Variants in GRM7 observed in about 807,000 individuals in gnomAD.
The protein encoded by GRM7 is glutamate metabotropic receptor 7, also known as metabotropic glutamate receptor 7.
A neutral mutation model predicts 84.5 loss-of-function variants in GRM7; 35 were observed. That is an observed-to-expected ratio of 0.41 (90% CI 0.32 to 0.55). The LOEUF is 0.55. GRM7 is among the 20% of genes least tolerant of loss of function. The pLI is 0.19. For missense variants in GRM7, 1,003 were observed against 1,194.6 expected (o/e 0.84, Z 2.36); for synonymous variants, 487 against 455.1 (o/e 1.07, Z -0.89).
At chr3:7,690,805 T>C (rs1700772296) in intron 9 of GRM7, among the ~76,000 whole-genome samples, 1 of 152,230 alleles carries the variant, frequency 6.6e-6, no homozygotes, top group Non-Finnish European at 1.5e-5. Flanking sequence ...TTGGTGGTTT[T>C]CTGACTGTTG....
chr3:7,433,526 C>T (rs571223989), intron 5 of GRM7, among the ~76,000 whole-genome samples: 1 of 152,220 alleles, frequency 6.6e-6, no homozygotes, highest in East Asian at 1.9e-4. Context: ...TGAGACAGAC[C>T]AGTGAATCCT....
At chr3:7,294,732 C>T (rs1482062279) in intron 2 of GRM7, among the ~76,000 whole-genome samples, 1 of 152,144 alleles carries the variant, frequency 6.6e-6, no homozygotes, top group East Asian at 1.9e-4. Flanking sequence ...GCAGCATCAG[C>T]ATCACCTGGG....
intron 1 of GRM7, among the ~76,000 whole-genome samples, chr3:7,102,530 T>G (rs2125023493): frequency 6.6e-6 from 1 of 151,818 alleles, no homozygotes; most frequent in South Asian, 2.1e-4. Context: ...CTAAGTGTGG[T>G]TTTCTTCGTA....
intron 8 of GRM7, among the ~76,000 whole-genome samples, chr3:7,626,191 T>A (rs1242045668): frequency 6.6e-6 from 1 of 152,058 alleles, no homozygotes; most frequent in Non-Finnish European, 1.5e-5. Flanking sequence ...TGAGCCCTCG[T>A]CCCTCCCCTC....
At chr3:7,481,914 G>T (rs1020767354) in intron 7 of GRM7, among the ~76,000 whole-genome samples, 1 of 152,196 alleles carries the variant, frequency 6.6e-6, no homozygotes, top group Non-Finnish European at 1.5e-5. Flanking sequence ...TCAGCCGGGT[G>T]CAGTGACTCA....
At position 7,415,146 on chromosome 3, in the gene GRM7, C is replaced by G. The variant is rs754368541; in HGVS notation, c.1157C>G (p.Thr386Arg). ...LTISGSKKED[T>R]DRKCTGQERI... ...ATTAGTGGGTCAAAAAAAGAAGACACAGATCGCAAATGCACAGGTAATTTA... is the reference window on the plus strand; with the variant it reads ...ATTAGTGGGTCAAAAAAAGAAGACAGAGATCGCAAATGCACAGGTAATTTA... Residue 386 changes from threonine (T) to arginine (R), a missense_variant, in exon 5 of 10, where the codon ACA (threonine) becomes AGA (arginine). Thr to Arg is a moderately conservative substitution (Grantham distance 71). Around this residue, in one of 2 missense-constraint regions of GRM7, gnomAD observed 910 missense variants for 1,126.0 expected, o/e 0.81. Coordinates refer to ENST00000357716, the MANE Select transcript of GRM7 (RefSeq NM_000844.4). The G allele has an allele frequency of 8.1e-6, 13 of 1,612,992 alleles. No homozygotes were observed. Among genetic ancestry groups the G allele is most frequent in the Non-Finnish European group, 1.1e-5 (13 of 1,179,114 alleles).
At chr3:7,702,716 A>G (rs1280364204) in intron 9 of GRM7, among the ~76,000 whole-genome samples, 7 of 152,348 alleles carry the variant, frequency 4.6e-5, no homozygotes, top group Non-Finnish European at 8.8e-5. Context: ...ACTGTCATAT[A>G]TACTGATCCT....
chr3:6,880,557 A>G (rs1188318562), intron 1 of GRM7, among the ~76,000 whole-genome samples: 1 of 152,182 alleles, frequency 6.6e-6, no homozygotes, highest in Non-Finnish European at 1.5e-5. Flanking sequence ...AGGGACCAAA[A>G]GCCCCTTTAT....
Position 7,290,450 on chromosome 3 carries a change from T to C in GRM7, c.737-8234T>C, listed in dbSNP as rs547452222. On this transcript the variant is annotated intron_variant, in intron 2 of 9. Coordinates refer to ENST00000357716, the MANE Select transcript of GRM7 (RefSeq NM_000844.4). ...AATGTTTCTCAGGCAAAATAGTGCC[T>C]GAGATAAAATGATAAAATTCCTGAA... Among the ~76,000 whole-genome samples the C allele has an allele frequency of 1.1e-4, 16 of 152,328 alleles. No homozygotes were observed. The South Asian group carries it at 3.3e-3, about 32-fold the overall frequency.
At chr3:7,474,214 A>G (rs148423203) in intron 7 of GRM7, among the ~76,000 whole-genome samples, 2 of 152,322 alleles carry the variant, frequency 1.3e-5, no homozygotes, top group East Asian at 3.9e-4. Context: ...AAGCAAGACA[A>G]TTCCATAATT....
chr3:7,452,564 G>C (rs1697817054), intron 5 of GRM7, 43 bp from the exon 6 acceptor site: 1 of 1,005,056 alleles, frequency 9.9e-7, no homozygotes, highest in Admixed American at 1.9e-5. Context: ...CAATTTGTGT[G>C]TGTGTGTGTG....
At chr3:7,626,904 A>G (rs1234203075) in intron 8 of GRM7, among the ~76,000 whole-genome samples, 1 of 149,738 alleles carries the variant, frequency 6.7e-6, no homozygotes, top group Non-Finnish European at 1.5e-5. Flanking sequence ...GCCCAGGTCC[A>G]AAAGCCTACA....
chr3:6,947,394 G>A (rs1698129405), intron 1 of GRM7, among the ~76,000 whole-genome samples: 1 of 152,156 alleles, frequency 6.6e-6, no homozygotes, highest in Non-Finnish European at 1.5e-5. Context: ...TGCATCCCAG[G>A]GATGAGGCCC....
intron 9 of GRM7, among the ~76,000 whole-genome samples, chr3:7,705,046 C>G (rs1004922928): frequency 1.3e-5 from 2 of 152,108 alleles, no homozygotes; most frequent in African/African-American, 4.8e-5. Flanking sequence ...GATTACCCCC[C>G]AGGTCTTGAC....
intron 2 of GRM7, among the ~76,000 whole-genome samples, chr3:7,215,391 A>G (rs1696566875): frequency 6.6e-6 from 1 of 152,108 alleles, no homozygotes; most frequent in Non-Finnish European, 1.5e-5. Flanking sequence ...GAGGCTGGGC[A>G]CGGTGGATCA....
chr3:6,916,245 G>A (rs1199492274), intron 1 of GRM7, among the ~76,000 whole-genome samples: 3 of 152,066 alleles, frequency 2.0e-5, no homozygotes. Flanking sequence ...GGTACTAAAG[G>A]TACCCACAGG....
intron 5 of GRM7, among the ~76,000 whole-genome samples, chr3:7,438,856 C>A (rs1697167301): frequency 6.6e-6 from 1 of 152,006 alleles, no homozygotes; most frequent in African/African-American, 2.4e-5. Context: ...CAGGAGCTGC[C>A]ACATATTTAT....
chr3:7,179,217 C>G (rs1321107087), intron 2 of GRM7, among the ~76,000 whole-genome samples: 3 of 152,182 alleles, frequency 2.0e-5, no homozygotes, highest in Non-Finnish European at 4.4e-5. Flanking sequence ...ATTGTCAGGT[C>G]CTTGTCTCCT....
At chr3:7,644,696 A>C (rs987991019) in intron 8 of GRM7, among the ~76,000 whole-genome samples, 1 of 152,224 alleles carries the variant, frequency 6.6e-6, no homozygotes, top group Non-Finnish European at 1.5e-5. Flanking sequence ...ACAAATTACC[A>C]TAGAAAATGT....
Sources: allele counts gnomAD v4.1 joint callset (sites outside exome capture counted in the v4.1 genomes callset), GRCh38; gene constraint gnomAD v4.1.1; regional missense constraint gnomAD v4.1.1; transcripts MANE v1.5; gene names NCBI Gene and HGNC (gene_info 2026-07-23, HGNC 2026-07-21).